The following CUX2 variants were observed in gnomAD, a reference collection of about 807,000 sequenced individuals.
CUX2 encodes cut like homeobox 2, also known as homeobox protein cut-like 2.
In CUX2, 40 loss-of-function variants were observed where a neutral mutation model predicts 144.8. The ratio of observed to expected loss-of-function variants is 0.28; its 90% CI spans 0.21 to 0.36. CUX2 has a LOEUF of 0.36. Ranked by LOEUF, CUX2 falls within the 10% of genes least tolerant of loss-of-function variation. The pLI is 1.00. For missense variants in CUX2, 1,615 were observed against 1,994.0 expected (o/e 0.81, Z 3.62); for synonymous variants, 827 against 875.6 (o/e 0.94, Z 0.98).
chr12:111,074,471 C>T (rs1458314352), intron 1 of CUX2, among the ~76,000 whole-genome samples: 5 of 152,022 alleles, frequency 3.3e-5, no homozygotes, highest in African/African-American at 4.8e-5. Context: ...GCCTGATCAG[C>T]TGGGTCAGCT....
In CUX2 at chr12:111,310,549, C is replaced by T. The variant is rs201284456; in HGVS notation, c.1767C>T (p.Ser589=). The T allele has an allele frequency of 3.8e-5, 61 of 1,614,006 alleles. No homozygotes were observed. The highest frequency in any genetic ancestry group is 4.7e-5 in the Non-Finnish European group (56 of 1,180,000). The change falls in exon 15 of 22, where the codon AGC becomes AGT. Residue 589 remains serine, a synonymous_variant. Coordinates refer to ENST00000261726, the MANE Select transcript of CUX2 (RefSeq NM_015267.4). This position sits in a 1 kb window ranked among gnomAD's most constrained non-coding sequence, Gnocchi z 7.9. ...TGGGGCTGTCGCAGGGCTCGGTCAG[C>T]GAGATCCTAGCCCGGCCCAAGCCCT... The part of the protein sequence containing the change: ...YVLGLSQGSV[S]EILARPKPWR...
chr12:111,062,596 C>T (rs986453434), intron 1 of CUX2, among the ~76,000 whole-genome samples: 1 of 151,606 alleles, frequency 6.6e-6, no homozygotes, highest in East Asian at 1.9e-4. Flanking sequence ...CAGACATGCT[C>T]TCTGCTCTCG....
intron 1 of CUX2, among the ~76,000 whole-genome samples, chr12:111,055,072 C>T (rs192558117): frequency 1.3e-5 from 2 of 152,358 alleles, no homozygotes; most frequent in East Asian, 3.9e-4. Context: ...TGTTATTTCT[C>T]TTTACTATGC....
At position 111,341,986 on chromosome 12, in the gene CUX2, A is replaced by C. The variant is rs766267324; in HGVS notation, c.3592A>C (p.Ile1198Leu). 2 of 1,614,096 alleles carry C rather than the reference A, an allele frequency of 1.2e-6. No homozygotes were observed. Among genetic ancestry groups the C allele is most frequent in the Non-Finnish European group, 1.7e-6 (2 of 1,180,014 alleles). The change falls in exon 21 of 22, where the codon ATC (isoleucine) becomes CTC (leucine). Residue 1198 changes from isoleucine (I) to leucine (L), a missense_variant. Ile to Leu is a conservative substitution (Grantham distance 5). Transcript: ENST00000261726. ...GGAACCCTACCCCTCGCAGCAGACC[A>C]TCGAGCTCCTCTCCTTCCAGCTCAA... ...QLEPYPSQQT[I>L]ELLSFQLNLK... is the part of the protein sequence containing the mutation.
Position 111,322,293 on chromosome 12 carries a change from G to C in CUX2, c.2767-128G>C. The C allele has an allele frequency of 9.4e-7, 1 of 1,061,132 alleles. No individual in the cohort carries two copies. The highest frequency in any genetic ancestry group is 1.7e-5 in the African/African-American group (1 of 59,666). 65.7% of individuals were successfully genotyped at this position (1,061,132 alleles called of 1,614,324 possible). ...AGATGGTGCCACTGCACTCCATCCT[G>C]GGCGACAGACAAAGCGAGACTCTGC... On this transcript the variant is annotated intron_variant, in intron 17 of 21. Coordinates refer to ENST00000261726, the MANE Select transcript of CUX2 (RefSeq NM_015267.4). This position sits in a 1 kb window ranked among gnomAD's most constrained non-coding sequence, Gnocchi z 4.2.
At chr12:111,274,182 G>A (rs898253148) in intron 4 of CUX2, among the ~76,000 whole-genome samples, 7 of 152,026 alleles carry the variant, frequency 4.6e-5, no homozygotes, top group East Asian at 3.8e-4. Flanking sequence ...TACCCACCTC[G>A]GCCTCCCAAA....
intron 18 of CUX2, among the ~76,000 whole-genome samples, chr12:111,326,660 T>C (rs1265406545): frequency 1.3e-5 from 2 of 151,984 alleles, no homozygotes; most frequent in East Asian, 1.9e-4. Flanking sequence ...TCCCAGCACT[T>C]TGGGAGGCCG....
At chr12:111,175,916 A>G (rs1243128722) in intron 1 of CUX2, among the ~76,000 whole-genome samples, 1 of 151,970 alleles carries the variant, frequency 6.6e-6, no homozygotes, top group African/African-American at 2.4e-5. Context: ...TGTTGGGTCC[A>G]GATCTCCTAC....
chr12:111,066,110 C>G (rs1871009701), intron 1 of CUX2, among the ~76,000 whole-genome samples: 1 of 152,184 alleles, frequency 6.6e-6, no homozygotes, highest in Non-Finnish European at 1.5e-5. Flanking sequence ...GTGAAGGCCT[C>G]TTCAGTACTA....
chr12:111,277,771 C>G lies in CUX2; in HGVS notation c.302-13647C>G, dbSNP rs902113705. On this transcript the variant is annotated intron_variant, in intron 4 of 21. Coordinates refer to ENST00000261726, the MANE Select transcript of CUX2 (RefSeq NM_015267.4). This position sits in a 1 kb window ranked among gnomAD's most constrained non-coding sequence, Gnocchi z 5.0. ...ACGTAGTGGACTGGTGGCTAAATGA[C>G]GACTGCATTAGGGACTCTTAGTCAC... 6.6e-6 allele frequency among the ~76,000 whole-genome samples: 1 copy of G among 152,150 alleles called. No homozygotes were observed. The highest frequency in any genetic ancestry group is 1.5e-5 in the Non-Finnish European group (1 of 68,042).
At chr12:111,306,841 G>T in intron 10 of CUX2, 80 bp from the exon 11 acceptor site, 1 of 1,194,894 alleles carries the variant, frequency 8.4e-7, no homozygotes, top group Non-Finnish European at 1.2e-6. Flanking sequence ...CATTCTGCTT[G>T]GGATTCAGGG....
intron 1 of CUX2, among the ~76,000 whole-genome samples, chr12:111,206,722 A>T (rs1354705246): frequency 2.6e-5 from 4 of 152,198 alleles, no homozygotes; most frequent in African/African-American, 7.2e-5. Flanking sequence ...CCACCCAAGG[A>T]TGGATGACTG....
intron 1 of CUX2, among the ~76,000 whole-genome samples, chr12:111,192,065 G>A (rs138578982): frequency 1.3e-5 from 2 of 152,290 alleles, no homozygotes; most frequent in African/African-American, 4.8e-5. Context: ...AGAGGCCCAC[G>A]CATGCAAAGC....
intron 4 of CUX2, among the ~76,000 whole-genome samples, chr12:111,265,809 C>G (rs188875622): frequency 3.7e-4 from 57 of 152,312 alleles, no homozygotes; most frequent in Non-Finnish European, 6.3e-4. Context: ...TCCTTTCCCC[C>G]ATCCTTCCAC....
Position 111,320,862 on chromosome 12 carries a change from C to T in CUX2, c.2766+87C>T, listed in dbSNP as rs963000096. 4.3e-5 allele frequency: 58 copies of T among 1,335,264 alleles called. No individual in the cohort carries two copies. Among genetic ancestry groups the T allele is most frequent in the Non-Finnish European group, 5.1e-5 (52 of 1,027,010 alleles). The allele number at this position is 1,335,264 out of a possible 1,614,324, so 82.7% of individuals were successfully genotyped here. A position where few individuals can be genotyped will look rare whatever the true frequency, so the allele number is the denominator to read the frequency against. ...GCCCACCCAAGCAGGCTGGCGGGACCCCAGGGGCCCAGGCCCTTCATTCCT... is the reference window on the plus strand; with the variant it reads ...GCCCACCCAAGCAGGCTGGCGGGACTCCAGGGGCCCAGGCCCTTCATTCCT... On this transcript the variant is annotated intron_variant, in intron 17 of 21. Coordinates refer to ENST00000261726, the MANE Select transcript of CUX2 (RefSeq NM_015267.4). This position sits in a 1 kb window ranked among gnomAD's most constrained non-coding sequence, Gnocchi z 8.1.
chr12:111,344,816 C>G (rs1263899894), intron 21 of CUX2, among the ~76,000 whole-genome samples: 1 of 152,192 alleles, frequency 6.6e-6, no homozygotes, highest in Non-Finnish European at 1.5e-5. Context: ...TGAGACCATG[C>G]CAGTTCCTGT....
chr12:111,177,612 A>G (rs1878934036), intron 1 of CUX2, among the ~76,000 whole-genome samples: 1 of 152,196 alleles, frequency 6.6e-6, no homozygotes, highest in Non-Finnish European at 1.5e-5. Context: ...GCTGGTCTCG[A>G]ACTCCTGACC....
intron 1 of CUX2, among the ~76,000 whole-genome samples, chr12:111,078,883 A>C (rs1283191374): frequency 1.3e-5 from 2 of 152,046 alleles, no homozygotes; most frequent in African/African-American, 4.8e-5. Context: ...GGGTTCGATC[A>C]TTCTGGTCAG....
At position 111,310,155 on chromosome 12, in the gene CUX2, G is replaced by A. The variant is rs887339269; in HGVS notation, c.1373G>A (p.Ser458Asn). 3.9e-6 allele frequency: 6 copies of A among 1,547,232 alleles called. No homozygotes were observed. Among genetic ancestry groups the A allele is most frequent in the Middle Eastern group, 1.7e-4 (1 of 5,794 alleles). Reference protein sequence around the residue: ...PPGPEDPLSPSPGQPLLGPSL... With the variant: ...PPGPEDPLSPNPGQPLLGPSL... Reference sequence around the variant, plus strand: ...GGGCCAGAAGACCCCCTGTCTCCCAGCCCCGGGCAGCCCCTGCTGGGCCCC... The same window carrying A: ...GGGCCAGAAGACCCCCTGTCTCCCAACCCCGGGCAGCCCCTGCTGGGCCCC... The change falls in exon 15 of 22, where the codon AGC (serine) becomes AAC (asparagine). Residue 458 changes from serine to asparagine, a missense_variant. Around this residue, in one of 12 missense-constraint regions of CUX2, gnomAD observed 154 missense variants for 148.4 expected, o/e 1.04. Transcript: ENST00000261726. This position sits in a 1 kb window ranked among gnomAD's most constrained non-coding sequence, Gnocchi z 7.9.
Sources: gnomAD v4.1 joint callset for allele counts (sites outside exome capture counted in the v4.1 genomes callset) on GRCh38, gnomAD v4.1.1 for gene constraint, gnomAD v4.1.1 regional missense constraint, Gnocchi (gnomAD v3.1) non-coding constraint, MANE v1.5 for transcripts, NCBI Gene and HGNC (gene_info 2026-07-23, HGNC 2026-07-21) for gene names.